The following MAP3K12 variants were observed in gnomAD, a reference collection of about 807,000 sequenced individuals.
MAP3K12 encodes the protein mitogen-activated protein kinase kinase kinase 12, also known as MAPK-upstream kinase.
In MAP3K12, 14 loss-of-function variants were observed where a neutral mutation model predicts 87.5. That is an observed-to-expected ratio of 0.16 (90% confidence interval 0.11 to 0.25). The LOEUF is 0.25. Among genes scored for constraint, MAP3K12 ranks in the 10% least tolerant of loss-of-function variants. The pLI is 1.00. For missense variants in MAP3K12, 802 were observed against 1,140.4 expected (o/e 0.70, Z 4.27); for synonymous variants, 469 against 452.5 (o/e 1.04, Z -0.46).
Position 53,482,373 on chromosome 12 carries a change from C to T in MAP3K12, c.2239-4G>A. 1.9e-6 allele frequency: 3 copies of T among 1,613,256 alleles called. No individual in the cohort carries two copies. The highest frequency in any genetic ancestry group is 2.2e-5 in the East Asian group (1 of 44,850). ...CTTCCGATGAGATGCCACGTTTCTG[C>T]AGGAGAGATGGGGTGGGGGGGGTCT... On this transcript the variant is annotated splice_polypyrimidine_tract_variant and splice_region_variant and intron_variant, in intron 11 of 13. Coordinates refer to ENST00000547488, the MANE Select transcript of MAP3K12 (RefSeq NM_001193511.2).
intron 11 of MAP3K12, 91 bp downstream of exon 11, chr12:53,482,474 T>A: frequency 6.2e-7 from 1 of 1,607,314 alleles, no homozygotes. Flanking sequence ...AGGGAATGGC[T>A]TAAAATTGAG....
At chr12:53,494,443 A>C (rs961259025) in intron 1 of MAP3K12, among the ~76,000 whole-genome samples, 2 of 152,244 alleles carry the variant, frequency 1.3e-5, no homozygotes, top group African/African-American at 4.8e-5. Context: ...AAGTGACTCC[A>C]TAAGGAGGCT....
Position 53,480,036 on chromosome 12 carries a change from A to G in MAP3K12, c.*1146T>C, listed in dbSNP as rs970936836. 2 of 152,038 alleles carry G rather than the reference A, an allele frequency of 1.3e-5. No homozygotes were observed. Among genetic ancestry groups the G allele is most frequent in the African/African-American group, 4.8e-5 (2 of 41,348 alleles). 9.4% of individuals were successfully genotyped at this position (152,038 alleles called of 1,614,324 possible). On this transcript the variant is annotated 3_prime_UTR_variant, in exon 14 of 14. Coordinates refer to ENST00000547488, the MANE Select transcript of MAP3K12 (RefSeq NM_001193511.2). Reference sequence around the variant, plus strand: ...GTTGGCCCTTATAAAACTTGTGCCCAAAAGATTGAGGATTAGACTTTCCGA... The same window carrying G: ...GTTGGCCCTTATAAAACTTGTGCCCGAAAGATTGAGGATTAGACTTTCCGA...
Position 53,483,993 on chromosome 12 carries a change from G to A in MAP3K12, c.1276C>T (p.His426Tyr), listed in dbSNP as rs566482889. Residue 426 changes from histidine (H) to tyrosine (Y), a missense_variant, in exon 8 of 14, where the codon CAC (histidine) becomes TAC (tyrosine). By Grantham distance (83) the His-to-Tyr change is moderately conservative (BLOSUM62 2). Around this residue, in one of 5 missense-constraint regions of MAP3K12, gnomAD observed 99 missense variants for 193.4 expected, o/e 0.51. Coordinates refer to ENST00000547488, the MANE Select transcript of MAP3K12 (RefSeq NM_001193511.2). ...QAEWREEVKL[H>Y]FEKIKSEGTC... ...CCTTCTGACTTAATCTTTTCAAAGT[G>A]CAGTTTTACTTCTTCCCGCCACTCT... is the stretch of plus-strand genomic sequence containing the variant. 1 of 1,613,914 alleles carries A rather than the reference G, an allele frequency of 6.2e-7. No individual in the cohort carries two copies. The highest frequency in any genetic ancestry group is 1.7e-5 in the Admixed American group (1 of 60,016).
chr12:53,498,148 CACTT>C (rs1204051838), intron 1 of MAP3K12, among the ~76,000 whole-genome samples: 2 of 152,152 alleles, frequency 1.3e-5, no homozygotes, highest in African/African-American at 4.8e-5. Flanking sequence ...TGAGGGGACA[CACTT>C]TTTTTCACCT....
Position 53,482,835 on chromosome 12 carries a change from C to T in MAP3K12, c.1968G>A (p.Arg656=). 1 of 1,611,220 alleles carries T rather than the reference C, an allele frequency of 6.2e-7. No individual in the cohort carries two copies. Among genetic ancestry groups the T allele is most frequent in the African/African-American group, 1.3e-5 (1 of 75,016 alleles). ...GATCCCCAGCTCCGCCTGTGGCCCCCCGGCCCCGGGACCCTAGTGCTGCTG... is the reference window on the plus strand; with the variant it reads ...GATCCCCAGCTCCGCCTGTGGCCCCTCGGCCCCGGGACCCTAGTGCTGCTG... ...LLSAALGSRG[R]GATGGAGDPG... The change falls in exon 11 of 14, where the codon CGG becomes CGA. Residue 656 remains arginine, a synonymous_variant. Transcript: ENST00000547488.
intron 1 of MAP3K12, 132 bp from the exon 2 acceptor site, chr12:53,487,560 C>T (rs1474903052): frequency 1.0e-5 from 9 of 857,564 alleles, no homozygotes; most frequent in African/African-American, 5.1e-5. Flanking sequence ...CTTGTGGCTC[C>T]GTTTCCCATG....
At position 53,482,197 on chromosome 12, in the gene MAP3K12, A is replaced by C. The variant is rs1943074376; in HGVS notation, c.2324T>G (p.Leu775Arg). The change falls in exon 13 of 14, where the codon CTG (leucine) becomes CGG (arginine). Residue 775 changes from leucine (L) to arginine (R), a missense_variant. By Grantham distance (102) the Leu-to-Arg change is moderately radical. This residue lies in a region of MAP3K12 where 490 missense variants were observed against 496.6 expected (regional missense o/e 0.99). Coordinates refer to ENST00000547488, the MANE Select transcript of MAP3K12 (RefSeq NM_001193511.2). ...GGTAGATAGTGACTGGCGCATGTTCAGGCTCTGAGGCCACCTACATGTTGA... is the reference window on the plus strand; with the variant it reads ...GGTAGATAGTGACTGGCGCATGTTCCGGCTCTGAGGCCACCTACATGTTGA... ...LTSSQRWPQS[L>R]NMRQSLSTFS... is the part of the protein sequence containing the mutation. The C allele has an allele frequency of 1.9e-6, 3 of 1,614,166 alleles. No individual in the cohort carries two copies. The highest frequency in any genetic ancestry group is 3.3e-5 in the Admixed American group (2 of 60,026).
In MAP3K12 at chr12:53,482,897, G is replaced by A; in HGVS notation, c.1906C>T (p.Leu636Phe). Residue 636 changes from leucine to phenylalanine, a missense_variant, in exon 11 of 14, where the codon CTC becomes TTC. Physicochemically the swap from Leu to Phe is conservative, Grantham distance 22. This residue lies in a region of MAP3K12 where 490 missense variants were observed against 496.6 expected (regional missense o/e 0.99). Transcript: ENST00000547488. ...GGGGACGATGAAGACATTTTGCGGA[G>A]CAGGAGGTCATGATGAAGCCCACGG... ...ALRGLHHDLL[L>F]RKMSSSSPDL... 6.2e-7 allele frequency: 1 copy of A among 1,611,524 alleles called. No individual in the cohort carries two copies. The highest frequency in any genetic ancestry group is 1.1e-5 in the South Asian group (1 of 90,998).
chr12:53,491,399 G>T (rs1943400480), intron 1 of MAP3K12, among the ~76,000 whole-genome samples: 1 of 151,684 alleles, frequency 6.6e-6, no homozygotes, highest in African/African-American at 2.4e-5. Flanking sequence ...CTGTAAGCTG[G>T]GCATTATTAG....
Position 53,483,863 on chromosome 12 carries a change from AT to A in MAP3K12, c.1358+47del, listed in dbSNP as rs761061689. 8.7e-5 allele frequency: 140 copies of A among 1,610,912 alleles called. 1 individual carries two copies. The highest frequency in any genetic ancestry group is 7.8e-4 in the Admixed American group (47 of 59,994). On this transcript the variant is annotated intron_variant, in intron 8 of 13. Coordinates refer to ENST00000547488, the MANE Select transcript of MAP3K12 (RefSeq NM_001193511.2). ...GGCTGGGTAGGAGCTGACTGGGTGC[AT>A]AGTCCTTGCTGTTAGTAAAATCACC... is the stretch of plus-strand genomic sequence containing the variant.
At chr12:53,501,468 C>T (rs1423854895), upstream of MAP3K12, 1 of 1,563,444 alleles carries the variant, frequency 6.4e-7, no homozygotes. Flanking sequence ...CTAGGTGAGC[C>T]GTCTCGTACC....
At chr12:53,490,045 G>A (rs1943357986) in intron 1 of MAP3K12, among the ~76,000 whole-genome samples, 1 of 152,058 alleles carries the variant, frequency 6.6e-6, no homozygotes, top group African/African-American at 2.4e-5. Context: ...GCTCATGCCT[G>A]TAATACCAAC....
chr12:53,492,351 T>C (rs1326072239), intron 1 of MAP3K12, among the ~76,000 whole-genome samples: 1 of 152,140 alleles, frequency 6.6e-6, no homozygotes, highest in East Asian at 1.9e-4. Context: ...AAGGGAACCA[T>C]GGCTTGCAAC....
intron 1 of MAP3K12, among the ~76,000 whole-genome samples, chr12:53,488,969 A>G (rs1237488174): frequency 1.3e-5 from 2 of 149,056 alleles, no homozygotes; most frequent in African/African-American, 5.0e-5. Flanking sequence ...AATCCCAGCT[A>G]CTCGGGAGGC....
At position 53,482,189 on chromosome 12, in the gene MAP3K12, G is replaced by A. The variant is rs774681304; in HGVS notation, c.2332C>T (p.Arg778Cys). ...GAGCTGAAGGTAGATAGTGACTGGC[G>A]CATGTTCAGGCTCTGAGGCCACCTA... The part of the protein sequence containing the change: ...SQRWPQSLNM[R>C]QSLSTFSSEN... Residue 778 changes from arginine (R) to cysteine (C), a missense_variant, in exon 13 of 14, where the codon CGC (arginine) becomes TGC (cysteine). This residue lies in a region of MAP3K12 where 490 missense variants were observed against 496.6 expected (regional missense o/e 0.99). Coordinates refer to ENST00000547488, the MANE Select transcript of MAP3K12 (RefSeq NM_001193511.2). 24 of 1,614,056 alleles carry A rather than the reference G, an allele frequency of 1.5e-5. No homozygotes were observed. The highest frequency in any genetic ancestry group is 5.0e-5 in the Admixed American group (3 of 60,006).
In MAP3K12 at chr12:53,486,335, C is replaced by T; in HGVS notation, c.630-88G>A. 1 of 1,557,248 alleles carries T rather than the reference C, an allele frequency of 6.4e-7. No homozygotes were observed. Among genetic ancestry groups the T allele is most frequent in the Admixed American group, 1.8e-5 (1 of 55,674 alleles). ...GAACCCCCATTCCCACCCATTCCACCTATGGATCTCCTCTGGGGAAGGATG... is the reference window on the plus strand; with the variant it reads ...GAACCCCCATTCCCACCCATTCCACTTATGGATCTCCTCTGGGGAAGGATG... On this transcript the variant is annotated intron_variant, in intron 3 of 13. Coordinates refer to ENST00000547488, the MANE Select transcript of MAP3K12 (RefSeq NM_001193511.2). The surrounding 1 kb of genome is among the most constrained non-coding windows in gnomAD (Gnocchi z 4.9).
At chr12:53,495,909 G>A (rs1943539049) in intron 1 of MAP3K12, among the ~76,000 whole-genome samples, 1 of 152,162 alleles carries the variant, frequency 6.6e-6, no homozygotes, top group African/African-American at 2.4e-5. Context: ...GGGCAGTGAA[G>A]GGGTTCAGGG....
At chr12:53,499,786 T>C (rs1390367161), upstream of MAP3K12, among the ~76,000 whole-genome samples, 1 of 152,180 alleles carries the variant, frequency 6.6e-6, no homozygotes, top group Non-Finnish European at 1.5e-5. Flanking sequence ...CGCTCCAGGC[T>C]CGTACCTGGC....
Sources: allele counts gnomAD v4.1 joint callset (sites outside exome capture counted in the v4.1 genomes callset), GRCh38; gene constraint gnomAD v4.1.1; regional missense constraint gnomAD v4.1.1; non-coding constraint Gnocchi (gnomAD v3.1); transcripts MANE v1.5; gene names NCBI Gene and HGNC (gene_info 2026-07-23, HGNC 2026-07-21).